Variants in TCERG1 observed in about 807,000 individuals in gnomAD.
TCERG1 encodes the protein TATA box binding protein (TBP)-associated factor, RNA polymerase II, S, 150kD.
Under a neutral mutation model 144.7 loss-of-function variants are expected in TCERG1, and 37 were observed. That is an observed-to-expected ratio of 0.26 (90% CI 0.20 to 0.34). The LOEUF is 0.34. TCERG1 is among the 10% of genes least tolerant of loss of function. TCERG1 has a pLI of 1.00. For missense variants in TCERG1, 1,027 were observed against 1,380.7 expected, an observed-to-expected ratio of 0.74 and a Z score of 4.06; for synonymous variants, 492 against 458.2, an observed-to-expected ratio of 1.07 and a Z score of -0.94.
intron 16 of TCERG1, among the ~76,000 whole-genome samples, 170 bp downstream of exon 16, chr5:146,493,208 T>C (rs1327897054): frequency 6.6e-6 from 1 of 152,090 alleles, no homozygotes; most frequent in Non-Finnish European, 1.5e-5. Context: ...TATGTTTCCT[T>C]TAGAGGAATC....
chr5:146,465,360 T>C (rs1763684972), intron 5 of TCERG1, among the ~76,000 whole-genome samples: 2 of 152,306 alleles, frequency 1.3e-5, no homozygotes, highest in Admixed American at 1.3e-4. Context: ...TTTGAACAAC[T>C]TTTGCTTTTC....
intron 1 of TCERG1, among the ~76,000 whole-genome samples, chr5:146,452,146 T>A (rs749969660): frequency 1.3e-5 from 2 of 152,168 alleles, no homozygotes; most frequent in Non-Finnish European, 1.5e-5. Context: ...GATGATGTGG[T>A]AAATTTAGAG....
At position 146,493,054 on chromosome 5, in the gene TCERG1, C is replaced by G. The variant is rs1347583359; in HGVS notation, c.2282+16C>G. 5 of 1,479,550 alleles carry G rather than the reference C, an allele frequency of 3.4e-6. No homozygotes were observed. Among genetic ancestry groups the G allele is most frequent in the Non-Finnish European group, 4.7e-6 (5 of 1,074,032 alleles). The allele number at this position is 1,479,550 out of a possible 1,614,324, so 91.7% of individuals were successfully genotyped here. ...TTAATCCAAGGTATGTGGTTTGTTTCTCTTAAATATCAAAGTGTATTTATT... is the reference window on the plus strand; with the variant it reads ...TTAATCCAAGGTATGTGGTTTGTTTGTCTTAAATATCAAAGTGTATTTATT... On this transcript the variant is annotated intron_variant, in intron 16 of 22. Transcript: ENST00000679501.
chr5:146,498,455 T>G, intron 16 of TCERG1, 81 bp from the exon 17 acceptor site: 9 of 1,444,728 alleles, frequency 6.2e-6, no homozygotes, highest in Non-Finnish European at 8.4e-6. Flanking sequence ...ATACTCTTGT[T>G]GGAAAAATGG....
chr5:146,457,789 G>T (rs565476734), intron 3 of TCERG1, among the ~76,000 whole-genome samples: 1 of 152,342 alleles, frequency 6.6e-6, no homozygotes, highest in African/African-American at 2.4e-5. Flanking sequence ...CATAACATGG[G>T]TTTTCCTTTG....
intron 15 of TCERG1, among the ~76,000 whole-genome samples, chr5:146,489,717 A>G (rs1766215429): frequency 6.6e-6 from 1 of 152,320 alleles, no homozygotes; most frequent in South Asian, 2.1e-4. Context: ...CCCTTAATAT[A>G]CATTTTTGTT....
chr5:146,480,687 A>G (rs978582118), intron 12 of TCERG1, among the ~76,000 whole-genome samples: 1 of 152,114 alleles, frequency 6.6e-6, no homozygotes, highest in Non-Finnish European at 1.5e-5. Flanking sequence ...TTTAGCAGCA[A>G]AAAGGAAAGT....
chr5:146,460,471 C>T (rs1043659176), intron 4 of TCERG1, among the ~76,000 whole-genome samples: 2 of 151,724 alleles, frequency 1.3e-5, no homozygotes, highest in Non-Finnish European at 2.9e-5. Flanking sequence ...TCAAGATACA[C>T]AGCTGTCCCT....
intron 18 of TCERG1, 46 bp from the exon 19 acceptor site, chr5:146,503,778 T>G (rs1767697960): frequency 1.3e-6 from 2 of 1,533,530 alleles, no homozygotes. Flanking sequence ...AAAAACATAT[T>G]TTGATGGAGT....
rs547152702 is a variant in TCERG1, at chr5:146,483,033, G to A, written c.2073+306G>A. Among the ~76,000 whole-genome samples, 3 of 152,070 alleles carry A rather than the reference G, an allele frequency of 2.0e-5. No homozygotes were observed. In the South Asian group the frequency reaches 6.2e-4, roughly 32 times the overall value. On this transcript the variant is annotated intron_variant, in intron 14 of 22. Transcript: ENST00000679501. ...ATGGCGGACTGCTTGGGATAGGTAAGGTATATATGATTATTCTTCCTTTAA... is the reference window on the plus strand; with the variant it reads ...ATGGCGGACTGCTTGGGATAGGTAAAGTATATATGATTATTCTTCCTTTAA...
intron 14 of TCERG1, 113 bp downstream of exon 14, chr5:146,482,840 G>T: frequency 7.6e-7 from 1 of 1,311,322 alleles, no homozygotes; most frequent in South Asian, 2.5e-5. Flanking sequence ...GGGGATAAGG[G>T]GATTTTTAAA....
chr5:146,481,958 C>G (rs1415462091), intron 13 of TCERG1: 1 of 152,138 alleles, frequency 6.6e-6, no homozygotes, highest in Non-Finnish European at 1.5e-5. Flanking sequence ...CCATGTTGCT[C>G]TCTGGGACCT....
At chr5:146,494,096 G>A (rs1213588824) in intron 16 of TCERG1, among the ~76,000 whole-genome samples, 2 of 152,054 alleles carry the variant, frequency 1.3e-5, no homozygotes, top group Non-Finnish European at 2.9e-5. Flanking sequence ...GGTAGTAGAG[G>A]TTCAGACTTT....
rs1008755006 is a variant in TCERG1 at position 146,454,922 on chromosome 5, G to A, written c.60-134G>A. 20 of 903,548 alleles carry A rather than the reference G, an allele frequency of 2.2e-5. 2 individuals carry two copies. In the Admixed American group the frequency reaches 3.4e-4, roughly 15 times the overall value. The allele number at this position is 903,548 out of a possible 1,614,324, so 56.0% of individuals were successfully genotyped here. ...CCATTGATGTAGTTTTTATCATGAC[G>A]GTTGCAAAATGATGACTTTCCAACT... On this transcript the variant is annotated intron_variant, in intron 1 of 22. Coordinates refer to ENST00000679501, the MANE Select transcript of TCERG1 (RefSeq NM_001382548.1).
chr5:146,457,171 G>A lies in TCERG1; in HGVS notation c.286-12G>A, dbSNP rs111311162. 1,421 of 1,607,206 alleles carry A rather than the reference G, an allele frequency of 8.8e-4. 18 individuals are homozygous for A. In the African/African-American group the frequency reaches 0.016, roughly 18 times the overall value. On this transcript the variant is annotated splice_polypyrimidine_tract_variant and intron_variant, in intron 2 of 22. Transcript: ENST00000679501. ...AATTAAAGTGACCATTACTGTTTTT[G>A]TGAATTAACAGAGACCACCTTTCAT... is the stretch of plus-strand genomic sequence containing the variant.
chr5:146,504,016 A>C lies in TCERG1; in HGVS notation c.2781+10A>C, dbSNP rs780002919. The C allele has an allele frequency of 6.6e-6, 10 of 1,507,788 alleles. No homozygotes were observed. In the South Asian group the frequency reaches 1.3e-4, roughly 19 times the overall value. The allele number at this position is 1,507,788 out of a possible 1,614,324, so 93.4% of individuals were successfully genotyped here. A position where few individuals can be genotyped will look rare whatever the true frequency, so the allele number is the denominator to read the frequency against. On this transcript the variant is annotated intron_variant, in intron 19 of 22. Coordinates refer to ENST00000679501, the MANE Select transcript of TCERG1 (RefSeq NM_001382548.1). ...TCTTCTGTCTGACATGGTATACGTT[A>C]ATCTTTTACTTTTTTTCTCTAAAGT...
intron 4 of TCERG1, among the ~76,000 whole-genome samples, chr5:146,460,011 A>AT (rs201569283): frequency 2.2e-3 from 331 of 151,874 alleles, no homozygotes; most frequent in African/African-American, 7.5e-3. Flanking sequence ...ATTTTGGAGG[A>AT]TTTTTTTTGG....
At position 146,510,680 on chromosome 5, in the gene TCERG1, G is replaced by A; in HGVS notation, c.*38G>A. ...TTCCATAGGGGCATCTATTCAAAAT[G>A]CTTGCATGAGCCAATTTTCAGGTTT... is the stretch of plus-strand genomic sequence containing the variant. On this transcript the variant is annotated 3_prime_UTR_variant, in exon 23 of 23. Coordinates refer to ENST00000679501, the MANE Select transcript of TCERG1 (RefSeq NM_001382548.1). The A allele has an allele frequency of 1.3e-6, 2 of 1,569,802 alleles. No homozygotes were observed.
chr5:146,488,578 A>T (rs979616682), intron 15 of TCERG1, among the ~76,000 whole-genome samples: 1 of 152,160 alleles, frequency 6.6e-6, no homozygotes, highest in African/African-American at 2.4e-5. Context: ...AATAACGAAT[A>T]CTGGCAAGGA....
Sources: gnomAD v4.1 joint callset for allele counts (sites outside exome capture counted in the v4.1 genomes callset) on GRCh38, gnomAD v4.1.1 for gene constraint, MANE v1.5 for transcripts, NCBI Gene and HGNC (gene_info 2026-07-23, HGNC 2026-07-21) for gene names.